The following MESD variants were observed in gnomAD, a reference collection of about 807,000 sequenced individuals.
MESD encodes the protein mesoderm development LRP chaperone.
MESD carries 7 observed loss-of-function variants against 12.9 expected under a neutral mutation model. That is an observed-to-expected ratio of 0.54 (90% CI 0.31 to 1.02). MESD has a LOEUF of 1.02. MESD is among the 50% of genes least tolerant of loss of function. The pLI is 0.05. For synonymous variants in MESD, 126 were observed against 115.6 expected, an observed-to-expected ratio of 1.09 and a Z score of -0.58; for missense variants, 342 against 296.7, an observed-to-expected ratio of 1.15 and a Z score of -1.12.
downstream of MESD, among the ~76,000 whole-genome samples, chr15:80,974,065 C>T (rs11072966): frequency 0.24 from 36,224 of 152,010 alleles, 4,816 homozygotes; most frequent in Middle Eastern, 0.38. Flanking sequence ...TATGGTTCCC[C>T]CCCCCACTGG....
At chr15:80,946,946 T>C (rs374099639), downstream of MESD, 20 of 1,561,510 alleles carry the variant, frequency 1.3e-5, no homozygotes, top group Admixed American at 1.0e-4. Context: ...TCTGGTCTAA[T>C]TGGTTTCTTC....
chr15:80,968,065 TACCAGCAAGCAGCATGGTCAAA>T (rs1172721417), intron 3 of MESD, among the ~76,000 whole-genome samples: 2 of 152,216 alleles, frequency 1.3e-5, no homozygotes, highest in African/African-American at 4.8e-5. Flanking sequence ...AATTTCCTTG[TACCAGCAAGCAGCATGGTCAAA>T]CTGCAGTCTC....
intron 3 of MESD, among the ~76,000 whole-genome samples, chr15:80,965,310 C>G (rs964306665): frequency 1.3e-5 from 2 of 152,160 alleles, no homozygotes; most frequent in Non-Finnish European, 2.9e-5. Flanking sequence ...ACAACAGATA[C>G]TGGAGAGGAT....
downstream of MESD, chr15:80,946,298 G>A (rs1247417329): frequency 6.5e-6 from 1 of 152,958 alleles, no homozygotes; most frequent in Non-Finnish European, 1.5e-5. Flanking sequence ...CTTCTAGCAT[G>A]GGGCTTCTCG....
At chr15:80,972,319 C>CTTGCAATTCACTG (rs1203740701), downstream of MESD, among the ~76,000 whole-genome samples, 11 of 152,246 alleles carry the variant, frequency 7.2e-5, no homozygotes, top group African/African-American at 2.7e-4. Context: ...CACACACATT[C>CTTGCAATTCACTG]TTGCAATTCA....
intron 3 of MESD, among the ~76,000 whole-genome samples, chr15:80,953,597 AAGTGTGGCAG>A (rs1901899027): frequency 6.6e-6 from 1 of 152,192 alleles, no homozygotes; most frequent in Non-Finnish European, 1.5e-5. Context: ...CAGGTCAGAA[AAGTGTGGCAG>A]AGTTAAGTTT....
chr15:80,963,515 A>G (rs531002533), intron 3 of MESD, among the ~76,000 whole-genome samples: 4 of 152,352 alleles, frequency 2.6e-5, no homozygotes, highest in Admixed American at 2.6e-4. Context: ...AGGCTAGCAG[A>G]GACACAACAA....
At chr15:80,947,059 T>C, downstream of MESD, 2 of 1,611,190 alleles carry the variant, frequency 1.2e-6, no homozygotes, top group Non-Finnish European at 1.7e-6. Context: ...GGGTCTCAAG[T>C]TGAAAGGTAA....
chr15:80,972,771 C>T (rs1040047678), downstream of MESD, among the ~76,000 whole-genome samples: 1 of 152,186 alleles, frequency 6.6e-6, no homozygotes, highest in Non-Finnish European at 1.5e-5. Flanking sequence ...GCCTGTAATC[C>T]CAGCACTTTG....
In MESD at chr15:80,976,927, C is replaced by A. The variant is rs11852827; in HGVS notation, c.*2292G>T. On this transcript the variant is annotated 3_prime_UTR_variant, in exon 3 of 3. Coordinates refer to ENST00000261758, the MANE Select transcript of MESD (RefSeq NM_015154.3). ...CACTACTGAAGCACCTCCCAGCTCA[C>A]GGCTCACACCTGCTGGGGTCCTCTT... The A allele has an allele frequency of 1.3e-5, 2 of 152,294 alleles. No homozygotes were observed. Among genetic ancestry groups the A allele is most frequent in the Non-Finnish European group, 2.9e-5 (2 of 68,144 alleles). 9.4% of individuals were successfully genotyped at this position (152,294 alleles called of 1,614,324 possible).
intron 1 of MESD, among the ~76,000 whole-genome samples, chr15:80,988,728 C>A (rs189675903): frequency 1.3e-5 from 2 of 152,264 alleles, no homozygotes; most frequent in East Asian, 3.9e-4. Flanking sequence ...AATCTTAGGA[C>A]CCATCCTAAC....
rs1902510274 is a variant in MESD at position 80,979,339 on chromosome 15, T to C, written c.585A>G (p.Gly195=). ...LEGQVYPGKG[G]GSKEKNKTKQ... is the part of the protein sequence containing the mutation. ...TTGTTTTATTTTTCTCTTTGCTTCC[T>C]CCTCCTTTGCCGGGGTACACCTGGC... is the stretch of plus-strand genomic sequence containing the variant. Residue 195 remains glycine, a synonymous_variant, in exon 3 of 3, where the codon GGA becomes GGG. Transcript: ENST00000261758. The C allele has an allele frequency of 8.1e-6, 13 of 1,614,194 alleles. No individual in the cohort carries two copies. Among genetic ancestry groups the C allele is most frequent in the Non-Finnish European group, 1.1e-5 (13 of 1,180,044 alleles).
chr15:80,989,788 C>T lies in MESD; in HGVS notation c.4G>A (p.Ala2Thr), dbSNP rs771591040. 1.3e-6 allele frequency: 2 copies of T among 1,578,354 alleles called. No individual in the cohort carries two copies. Among genetic ancestry groups the T allele is most frequent in the South Asian group, 2.2e-5 (2 of 89,474 alleles). MAASRWARKAVV... is the reference protein window; with the variant it reads MTASRWARKAVV... ...GCCTTGCGCGCCCACCTGGAAGCCGCCATTTTCGCTGCGCCGCGCAGCGCC... is the reference window on the plus strand; with the variant it reads ...GCCTTGCGCGCCCACCTGGAAGCCGTCATTTTCGCTGCGCCGCGCAGCGCC... Residue 2 changes from alanine (A) to threonine (T), a missense_variant, in exon 1 of 3, where the codon GCG (alanine) becomes ACG (threonine). Transcript: ENST00000261758.
At chr15:80,989,450 G>A (rs1893234561) in intron 1 of MESD, 129 bp downstream of exon 1, 3 of 1,138,250 alleles carry the variant, frequency 2.6e-6, no homozygotes, top group African/African-American at 1.5e-5. Context: ...CAGTGGGTCA[G>A]TAAGGATTCA....
chr15:80,989,603 C>A lies in MESD; in HGVS notation c.189G>T (p.Met63Ile). The A allele has an allele frequency of 1.2e-6, 2 of 1,613,846 alleles. No individual in the cohort carries two copies. The highest frequency in any genetic ancestry group is 1.7e-6 in the Non-Finnish European group (2 of 1,179,894). The change falls in exon 1 of 3, where the codon ATG (methionine) becomes ATT (isoleucine). Residue 63 changes from methionine (M) to isoleucine (I), a missense_variant. Transcript: ENST00000261758. The part of the protein sequence containing the change: ...KDIRDYNDAD[M>I]ARLLEQWEKD... ...CCTCCCATTGCTCCAGAAGACGCGC[C>A]ATGTCTGCATCATTGTAATCGCGAA...
chr15:80,984,859 A>G (rs190972689), intron 1 of MESD, among the ~76,000 whole-genome samples: 1 of 152,344 alleles, frequency 6.6e-6, no homozygotes, highest in East Asian at 1.9e-4. Context: ...TTAATAATGT[A>G]CTATATTAAA....
intron 2 of MESD, among the ~76,000 whole-genome samples, chr15:80,979,714 T>G (rs1159413883): frequency 2.6e-5 from 4 of 152,214 alleles, no homozygotes; most frequent in Non-Finnish European, 4.4e-5. Flanking sequence ...GTTCCTTTGT[T>G]GTATAAATGG....
intron 1 of MESD, among the ~76,000 whole-genome samples, chr15:80,984,908 G>A (rs1279401945): frequency 1.3e-5 from 2 of 152,146 alleles, no homozygotes; most frequent in African/African-American, 2.4e-5. Flanking sequence ...AGAATTCTAC[G>A]CAGTGCTTGA....
At chr15:80,970,969 T>C (rs1185539996), downstream of MESD, among the ~76,000 whole-genome samples, 1 of 152,152 alleles carries the variant, frequency 6.6e-6, no homozygotes, top group African/African-American at 2.4e-5. Flanking sequence ...TTTGATCAGA[T>C]ATTGAGTGAT....
Sources: gnomAD v4.1 joint callset for allele counts (sites outside exome capture counted in the v4.1 genomes callset) on GRCh38, gnomAD v4.1.1 for gene constraint, MANE v1.5 for transcripts, NCBI Gene and HGNC (gene_info 2026-07-23, HGNC 2026-07-21) for gene names.